Variants in PTPRD observed in about 807,000 individuals in gnomAD.
The protein encoded by PTPRD is protein tyrosine phosphatase receptor type D.
A neutral mutation model predicts 214.5 loss-of-function variants in PTPRD; 34 were observed. The ratio of observed to expected loss-of-function variants is 0.16; its 90% CI spans 0.12 to 0.21. The LOEUF is 0.21. PTPRD is among the 10% of genes least tolerant of loss of function. PTPRD has a pLI of 1.00. For synonymous variants in PTPRD, 1,128 were observed against 845.7 expected, an observed-to-expected ratio of 1.33 and a Z score of -5.79; for missense variants, 2,545 against 2,398.7, an observed-to-expected ratio of 1.06 and a Z score of -1.27.
intron 5 of PTPRD, among the ~76,000 whole-genome samples, chr9:9,918,363 A>AAC (rs1449461436): frequency 4.7e-5 from 7 of 149,708 alleles, no homozygotes; most frequent in African/African-American, 7.4e-5. Flanking sequence ...AAAAAAAAAA[A>AAC]AAAAAAACTC....
chr9:8,649,409 C>T (rs558227561), intron 12 of PTPRD, among the ~76,000 whole-genome samples: 2 of 152,262 alleles, frequency 1.3e-5, no homozygotes, highest in African/African-American at 4.8e-5. Flanking sequence ...ATAAGCTGAC[C>T]ACAACTTCTC....
Position 10,287,883 on chromosome 9 carries a change from C to CA in PTPRD, c.-545+53079dup, listed in dbSNP as rs373886629. Reference sequence around the variant, plus strand: ...ATGACCAACATAGTGTTTTGCCAGACAGAGGGGGTTTTCTCTCCTAAGAGA... The same window carrying CA: ...ATGACCAACATAGTGTTTTGCCAGACAAGAGGGGGTTTTCTCTCCTAAGAGA... On this transcript the variant is annotated intron_variant, in intron 3 of 45. Transcript: ENST00000381196. 4.9e-3 allele frequency among the ~76,000 whole-genome samples: 750 copies of CA among 152,070 alleles called. 7 individuals are homozygous for CA. The highest frequency in any genetic ancestry group is 0.017 in the African/African-American group (699 of 41,506).
intron 11 of PTPRD, among the ~76,000 whole-genome samples, chr9:8,835,856 C>T (rs139076499): frequency 6.6e-5 from 10 of 152,226 alleles, no homozygotes; most frequent in East Asian, 3.9e-4. Flanking sequence ...CTTCATAATA[C>T]TCACCATTAT....
At chr9:10,114,879 C>T (rs2098718101) in intron 3 of PTPRD, among the ~76,000 whole-genome samples, 1 of 151,778 alleles carries the variant, frequency 6.6e-6, no homozygotes, top group African/African-American at 2.4e-5. Flanking sequence ...ATATCAATAG[C>T]AATATGGAAA....
At chr9:9,655,109 A>T (rs771076467) in intron 7 of PTPRD, among the ~76,000 whole-genome samples, 57 of 152,268 alleles carry the variant, frequency 3.7e-4, no homozygotes, top group African/African-American at 1.3e-3. Context: ...TTTAATAATT[A>T]AATTGGTATC....
intron 5 of PTPRD, among the ~76,000 whole-genome samples, chr9:9,887,654 G>A (rs763477041): frequency 9.9e-5 from 15 of 152,090 alleles, no homozygotes; most frequent in African/African-American, 2.7e-4. Context: ...TGCATGAGGC[G>A]TAGTAGAAAA....
intron 9 of PTPRD, among the ~76,000 whole-genome samples, chr9:9,343,804 A>C (rs12001199): frequency 6.6e-6 from 1 of 152,114 alleles, no homozygotes; most frequent in East Asian, 1.9e-4. Flanking sequence ...AATAGCAATG[A>C]AATGAAAGTG....
intron 14 of PTPRD, among the ~76,000 whole-genome samples, chr9:8,603,126 A>G (rs2094969895): frequency 6.6e-6 from 1 of 152,220 alleles, no homozygotes; most frequent in South Asian, 2.1e-4. Context: ...GAAGTATACT[A>G]TAATCCTTAC....
At chr9:10,420,582 C>G (rs2098537018) in intron 2 of PTPRD, among the ~76,000 whole-genome samples, 2 of 151,752 alleles carry the variant, frequency 1.3e-5, no homozygotes, top group Admixed American at 1.3e-4. Context: ...ATTAAAGGGC[C>G]AGGAGTAAAT....
At position 10,552,826 on chromosome 9, in the gene PTPRD, T is replaced by C. The variant is rs139688661; in HGVS notation, c.-600+59572A>G. Among the ~76,000 whole-genome samples the C allele has an allele frequency of 8.5e-5, 13 of 152,260 alleles. No individual in the cohort carries two copies. In the East Asian group the frequency reaches 2.5e-3, roughly 29 times the overall value. On this transcript the variant is annotated intron_variant, in intron 2 of 45. Transcript: ENST00000381196. ...GATCTTCACATGGCAACAGCACAGG[T>C]TGAGGCATTCCTATCTTCTCTGTAT...
chr9:8,963,266 T>C (rs2099168275), intron 11 of PTPRD, among the ~76,000 whole-genome samples: 1 of 152,160 alleles, frequency 6.6e-6, no homozygotes, highest in Non-Finnish European at 1.5e-5. Flanking sequence ...AGGATATAGT[T>C]ACTTTTCAGA....
At chr9:8,366,202 T>G (rs999457019) in intron 39 of PTPRD, among the ~76,000 whole-genome samples, 2 of 152,224 alleles carry the variant, frequency 1.3e-5, no homozygotes, top group Admixed American at 1.3e-4. Flanking sequence ...TAAATGAAAT[T>G]TGAGCAAGAG....
intron 8 of PTPRD, among the ~76,000 whole-genome samples, chr9:9,414,326 T>C (rs1158178946): frequency 6.6e-6 from 1 of 152,226 alleles, no homozygotes; most frequent in Non-Finnish European, 1.5e-5. Context: ...TTCATAAAAG[T>C]TGATTCAATG....
intron 2 of PTPRD, among the ~76,000 whole-genome samples, chr9:10,566,568 T>C (rs544923793): frequency 2.6e-5 from 4 of 152,140 alleles, no homozygotes; most frequent in Non-Finnish European, 5.9e-5. Context: ...AGGAGTTCTA[T>C]GTTCTGTATA....
chr9:8,640,798 G>C (rs962223995), intron 12 of PTPRD, among the ~76,000 whole-genome samples: 1 of 151,662 alleles, frequency 6.6e-6, no homozygotes, highest in African/African-American at 2.4e-5. Flanking sequence ...CACAAGATCC[G>C]AACTACAAAA....
chr9:8,703,142 A>C (rs1214925000), intron 12 of PTPRD, among the ~76,000 whole-genome samples: 1 of 152,228 alleles, frequency 6.6e-6, no homozygotes, highest in Non-Finnish European at 1.5e-5. Context: ...ACCAATAGTG[A>C]ATCTGGAAAT....
intron 11 of PTPRD, among the ~76,000 whole-genome samples, chr9:8,761,661 C>T (rs2094423261): frequency 6.6e-6 from 1 of 152,086 alleles, no homozygotes; most frequent in Non-Finnish European, 1.5e-5. Context: ...CTGTAAAGCT[C>T]ATCTACATGG....
intron 39 of PTPRD, among the ~76,000 whole-genome samples, chr9:8,348,754 G>C (rs1049084610): frequency 6.6e-6 from 1 of 152,144 alleles, no homozygotes; most frequent in Non-Finnish European, 1.5e-5. Flanking sequence ...CGTTTGTGAC[G>C]CTGGACCTTC....
chr9:9,717,024 TG>T (rs1187719727), intron 7 of PTPRD, among the ~76,000 whole-genome samples: 169 of 152,334 alleles, frequency 1.1e-3, no homozygotes, highest in African/African-American at 3.8e-3. Flanking sequence ...AATTGATTTT[TG>T]TATAAGGTGT....
Sources: gnomAD v4.1 joint callset for allele counts (sites outside exome capture counted in the v4.1 genomes callset) on GRCh38, gnomAD v4.1.1 for gene constraint, MANE v1.5 for transcripts, NCBI Gene and HGNC (gene_info 2026-07-23, HGNC 2026-07-21) for gene names.